Variants in PRKN observed in about 807,000 individuals in gnomAD.
The protein encoded by PRKN is parkin RBR E3 ubiquitin protein ligase.
In PRKN, 56 loss-of-function variants were observed where a neutral mutation model predicts 59.5. The observed-to-expected ratio is 0.94, with a 90% CI of 0.76 to 1.18. The LOEUF is 1.18. PRKN is among the 50% of genes most tolerant of loss of function. The pLI is 0.00. For synonymous variants in PRKN, 250 were observed against 222.1 expected, an observed-to-expected ratio of 1.13 and a Z score of -1.12; for missense variants, 657 against 596.4, an observed-to-expected ratio of 1.10 and a Z score of -1.06.
chr6:162,111,703 A>G (rs1024593418), intron 4 of PRKN, among the ~76,000 whole-genome samples: 4 of 144,696 alleles, frequency 2.8e-5, no homozygotes, highest in Non-Finnish European at 6.0e-5. Context: ...CAGTCTCACA[A>G]TTAAAAAAAA....
intron 6 of PRKN, among the ~76,000 whole-genome samples, chr6:161,839,431 C>G: frequency 6.6e-6 from 1 of 152,086 alleles, no homozygotes; most frequent in Non-Finnish European, 1.5e-5. Context: ...GCCTCTCAAA[C>G]CACCCTGACG....
At chr6:161,987,369 G>A (rs529035522) in intron 5 of PRKN, among the ~76,000 whole-genome samples, 1 of 152,176 alleles carries the variant, frequency 6.6e-6, no homozygotes, top group African/African-American at 2.4e-5. Context: ...AATATATATC[G>A]ATGGGCGTAG....
At chr6:162,698,589 C>A (rs1300352900) in intron 1 of PRKN, among the ~76,000 whole-genome samples, 3 of 152,122 alleles carry the variant, frequency 2.0e-5, no homozygotes, top group Non-Finnish European at 2.9e-5. Context: ...AGTTTCTCCC[C>A]AGGTGTGTGG....
At chr6:161,754,182 T>C (rs1317297534) in intron 7 of PRKN, among the ~76,000 whole-genome samples, 1 of 151,910 alleles carries the variant, frequency 6.6e-6, no homozygotes, top group Non-Finnish European at 1.5e-5. Flanking sequence ...GCAGACCCAA[T>C]GTTGCATGAC....
chr6:161,415,592 GCCCCCCCCCC>G (rs76950988), intron 9 of PRKN, among the ~76,000 whole-genome samples: 1 of 36,212 alleles, frequency 2.8e-5, no homozygotes, highest in Non-Finnish European at 5.4e-5. Flanking sequence ...AGGAAATGTC[GCCCCCCCCCC>G]CCCCCGACCC....
chr6:161,973,791 T>C (rs959737884), intron 5 of PRKN, among the ~76,000 whole-genome samples: 1 of 152,096 alleles, frequency 6.6e-6, no homozygotes, highest in Non-Finnish European at 1.5e-5. Flanking sequence ...AGCCATGAAA[T>C]GAGGTGCCCA....
At chr6:162,006,736 T>G (rs1242998372) in intron 5 of PRKN, among the ~76,000 whole-genome samples, 4 of 152,150 alleles carry the variant, frequency 2.6e-5, no homozygotes, top group Non-Finnish European at 5.9e-5. Context: ...GAGTTCAGCA[T>G]CCTAAAGCAG....
chr6:162,345,451 T>C (rs1178798502), intron 2 of PRKN, among the ~76,000 whole-genome samples: 1 of 152,208 alleles, frequency 6.6e-6, no homozygotes. Context: ...ACTGAATACA[T>C]TGTGCAATGA....
chr6:161,729,950 G>C (rs1393397547), intron 7 of PRKN, among the ~76,000 whole-genome samples: 1 of 152,050 alleles, frequency 6.6e-6, no homozygotes, highest in South Asian at 2.1e-4. Context: ...TCTTTCTGAT[G>C]TGTTGCATTC....
At chr6:161,816,255 G>A (rs1791776516) in intron 6 of PRKN, among the ~76,000 whole-genome samples, 1 of 152,014 alleles carries the variant, frequency 6.6e-6, no homozygotes, top group African/African-American at 2.4e-5. Context: ...CAAGCAGAAA[G>A]AAACACACAC....
At chr6:161,688,536 C>T (rs530473502) in intron 7 of PRKN, among the ~76,000 whole-genome samples, 2 of 152,296 alleles carry the variant, frequency 1.3e-5, no homozygotes, top group African/African-American at 4.8e-5. Context: ...AAATTTGCTG[C>T]TACTAAAAAC....
At chr6:162,414,894 G>A (rs1788549759) in intron 2 of PRKN, among the ~76,000 whole-genome samples, 1 of 151,878 alleles carries the variant, frequency 6.6e-6, no homozygotes, top group African/African-American at 2.4e-5. Context: ...TTCTATCACT[G>A]GAGGCACTGT....
At chr6:162,484,885 A>G (rs886387160) in intron 1 of PRKN, among the ~76,000 whole-genome samples, 8 of 152,186 alleles carry the variant, frequency 5.3e-5, no homozygotes, top group African/African-American at 1.9e-4. Context: ...TCTTCAGTTC[A>G]TCAATTTTAC....
chr6:162,371,647 T>G (rs1785776186), intron 2 of PRKN, among the ~76,000 whole-genome samples: 1 of 152,166 alleles, frequency 6.6e-6, no homozygotes, highest in African/African-American at 2.4e-5. Flanking sequence ...TCGATAAAAC[T>G]TAGCGATTAT....
At chr6:161,437,138 C>T (rs1006579397) in intron 9 of PRKN, among the ~76,000 whole-genome samples, 3 of 152,110 alleles carry the variant, frequency 2.0e-5, no homozygotes, top group African/African-American at 7.2e-5. Flanking sequence ...GTAAGACATT[C>T]ACAACAGTGC....
chr6:161,423,312 G>A lies in PRKN; in HGVS notation c.1084-36435C>T, dbSNP rs1481961145. ...TCTCTGCTTTCTAATGTACATAGAG[G>A]TGTCTACATGCAAACGGATAGCAGC... On this transcript the variant is annotated intron_variant, in intron 9 of 11. Transcript: ENST00000366898. The surrounding 1 kb of genome is among the most constrained non-coding windows in gnomAD (Gnocchi z 5.9). Among the ~76,000 whole-genome samples, 1 of 152,186 alleles carries A rather than the reference G, an allele frequency of 6.6e-6. No homozygotes were observed. The highest frequency in any genetic ancestry group is 1.5e-5 in the Non-Finnish European group (1 of 68,034).
chr6:162,415,938 C>A (rs1015168961), intron 2 of PRKN, among the ~76,000 whole-genome samples: 1 of 152,200 alleles, frequency 6.6e-6, no homozygotes, highest in Admixed American at 6.5e-5. Flanking sequence ...TAATAGGCAT[C>A]TCTCCATTTG....
intron 2 of PRKN, among the ~76,000 whole-genome samples, chr6:162,319,479 G>A (rs572589866): frequency 6.6e-6 from 1 of 152,080 alleles, no homozygotes; most frequent in African/African-American, 2.4e-5. Context: ...TATAATAGCT[G>A]TTTTAATGCT....
At chr6:162,475,165 A>C (rs1791941676) in intron 1 of PRKN, among the ~76,000 whole-genome samples, 1 of 152,208 alleles carries the variant, frequency 6.6e-6, no homozygotes. Context: ...GGCAAGAAAA[A>C]TTATTCAAAA....
Sources: gnomAD v4.1 joint callset for allele counts (sites outside exome capture counted in the v4.1 genomes callset) on GRCh38, gnomAD v4.1.1 for gene constraint, Gnocchi (gnomAD v3.1) non-coding constraint, MANE v1.5 for transcripts, NCBI Gene and HGNC (gene_info 2026-07-23, HGNC 2026-07-21) for gene names.